MYH6: variants seen among roughly 807,000 people sequenced by gnomAD.
The protein encoded by MYH6 is myosin-6.
Under a neutral mutation model 223.2 loss-of-function variants are expected in MYH6, and 126 were observed. That is an observed-to-expected ratio of 0.56 (90% confidence interval 0.49 to 0.65). The LOEUF (loss-of-function observed/expected upper bound fraction) is 0.65. Among genes scored for constraint, MYH6 ranks in the 30% least tolerant of loss-of-function variants. The probability of loss-of-function intolerance (pLI) is 0.00; values close to 1 mark genes in which losing one functional copy is unlikely to be tolerated. For synonymous variants in MYH6, 978 were observed against 1,010.2 expected, an observed-to-expected ratio of 0.97 and a Z score of 0.61; for missense variants, 2,040 against 2,536.4, an observed-to-expected ratio of 0.80 and a Z score of 4.20.
Position 23,407,818 on chromosome 14 carries a change from G to C in MYH6, c.-46-210C>G, listed in dbSNP as rs567466620. Among the ~76,000 whole-genome samples the C allele has an allele frequency of 3.9e-5, 6 of 152,276 alleles. No individual in the cohort carries two copies. Among genetic ancestry groups the C allele is most frequent in the Admixed American group, 2.0e-4 (3 of 15,298 alleles). ...GAGTCAATATGAGTGCGAGGGACGG[G>C]GTGTGGAAACAGGGTTAGAAGCAGA... is the stretch of plus-strand genomic sequence containing the variant. On this transcript the variant is annotated intron_variant, in intron 1 of 38. Transcript: ENST00000405093. The surrounding 1 kb of genome is among the most constrained non-coding windows in gnomAD (Gnocchi z 5.6).
At position 23,385,028 on chromosome 14, in the gene MYH6, A is replaced by T. The variant is rs1304636038; in HGVS notation, c.5177T>A (p.Ile1726Asn). 10 of 1,614,174 alleles carry T rather than the reference A, an allele frequency of 6.2e-6. No individual in the cohort carries two copies. The South Asian group carries it at 1.1e-4, about 18-fold the overall frequency. ...QLLHSQNTSLINQKKKMESDL... is the reference protein window; with the variant it reads ...QLLHSQNTSLNNQKKKMESDL... ...CGACTCCATCTTCTTCTTCTGGTTGATGAGGCTGGTGTTCTAGACATGGAG... is the reference window on the plus strand; with the variant it reads ...CGACTCCATCTTCTTCTTCTGGTTGTTGAGGCTGGTGTTCTAGACATGGAG... Residue 1726 changes from isoleucine (I) to asparagine (N), a missense_variant, in exon 35 of 39, where the codon ATC becomes AAC. By Grantham distance (149) the Ile-to-Asn change is moderately radical. Transcript: ENST00000405093.
Position 23,392,668 on chromosome 14 carries a change from G to T in MYH6, c.3252-16C>A, listed in dbSNP as rs779250087. ...AAACTCCTTCCTGCAGGAGAAGGGT[G>T]GGGGTGGGGGAGTGACAGGTAGCCT... On this transcript the variant is annotated splice_polypyrimidine_tract_variant and intron_variant, in intron 24 of 38. Transcript: ENST00000405093. The T allele has an allele frequency of 3.1e-6, 4 of 1,302,226 alleles. No individual in the cohort carries two copies. Among genetic ancestry groups the T allele is most frequent in the Non-Finnish European group, 4.5e-6 (4 of 896,596 alleles). The allele number at this position is 1,302,226 out of a possible 1,614,324, so 80.7% of individuals were successfully genotyped here. A position where few individuals can be genotyped will look rare whatever the true frequency, so the allele number is the denominator to read the frequency against.
At chr14:23,403,526 G>C in intron 9 of MYH6, 80 bp from the exon 10 acceptor site, 1 of 1,287,284 alleles carries the variant, frequency 7.8e-7, no homozygotes, top group Non-Finnish European at 1.1e-6. Context: ...GGGGGCAGAG[G>C]GCAGGGGGCA....
chr14:23,382,708 C>A, intron 37 of MYH6, 146 bp from the exon 38 acceptor site: 2 of 1,206,846 alleles, frequency 1.7e-6, no homozygotes, highest in Non-Finnish European at 2.4e-6. Flanking sequence ...GGGTATCCTG[C>A]AACTGCCTTG....
rs771569935 is a variant in MYH6, at chr14:23,396,693, C to T, written c.2292+1G>A. ...ACCACCCAGTGGGGCTCTAGACTCA[C>T]CTTGGTGTGGCCAAACTTGTACTGG... On this transcript the variant is annotated splice_donor_variant, in intron 19 of 38. Coordinates refer to ENST00000405093, the MANE Select transcript of MYH6 (RefSeq NM_002471.4). LOFTEE classifies it high-confidence loss of function. The T allele has an allele frequency of 8.1e-6, 13 of 1,613,922 alleles. No individual in the cohort carries two copies. In the African/African-American group the frequency reaches 1.5e-4, roughly 18 times the overall value.
chr14:23,404,079 C>T (rs1395059937), intron 8 of MYH6, among the ~76,000 whole-genome samples: 1 of 152,218 alleles, frequency 6.6e-6, no homozygotes, highest in Non-Finnish European at 1.5e-5. Context: ...CCCTGTTTCA[C>T]AGGTGAAGGA....
chr14:23,397,964 CTTCT>C (rs1891471655), intron 15 of MYH6, among the ~76,000 whole-genome samples: 1 of 124,636 alleles, frequency 8.0e-6, no homozygotes, highest in Admixed American at 8.5e-5. Context: ...TCTTCTTCTT[CTTCT>C]TCTTCTTCTT....
In MYH6 at chr14:23,407,455, T is replaced by G. The variant is rs536226528; in HGVS notation, c.-14+121A>C. ...GTAAGGGGTTTCCCTGGGGTGGCAT[T>G]GGCTGGAGTATGCTAAGGGTTGGCG... On this transcript the variant is annotated intron_variant, in intron 2 of 38. Coordinates refer to ENST00000405093, the MANE Select transcript of MYH6 (RefSeq NM_002471.4). The surrounding 1 kb of genome is among the most constrained non-coding windows in gnomAD (Gnocchi z 5.6). 33 of 1,202,754 alleles carry G rather than the reference T, an allele frequency of 2.7e-5. No individual in the cohort carries two copies. The South Asian group carries it at 5.2e-4, about 19-fold the overall frequency. 74.5% of individuals were successfully genotyped at this position (1,202,754 alleles called of 1,614,324 possible). A position where few individuals can be genotyped will look rare whatever the true frequency, so the allele number is the denominator to read the frequency against.
In MYH6 at chr14:23,404,804, C is replaced by T. The variant is rs1465887846; in HGVS notation, c.549G>A (p.Gly183=). The T allele has an allele frequency of 1.2e-6, 2 of 1,614,122 alleles. No individual in the cohort carries two copies. The highest frequency in any genetic ancestry group is 1.7e-6 in the Non-Finnish European group (2 of 1,180,006). Residue 183 remains glycine, a synonymous_variant, in exon 7 of 39, where the codon GGG becomes GGA. Coordinates refer to ENST00000405093, the MANE Select transcript of MYH6 (RefSeq NM_002471.4). ...TGACACGCTTGGTGTTCACAGTCTT[C>T]CCCGCCCCGGATTCTCCCCTGGGGG... The part of the protein sequence containing the change: ...SILITGESGA[G]KTVNTKRVIQ...
chr14:23,390,227 C>G lies in MYH6; in HGVS notation c.3562G>C (p.Glu1188Gln), dbSNP rs767223211. The part of the protein sequence containing the change: ...RDLEEATLQH[E>Q]ATAAALRKKH... The stretch of plus-strand genomic sequence containing the variant: ...TTGCGCAGGGCCGCGGCAGTGGCCT[C>G]GTGCTGCAGCGTGGCCTCCTCCAGG... Residue 1188 changes from glutamate to glutamine, a missense_variant, in exon 26 of 39, where the codon GAG becomes CAG. By Grantham distance (29) the Glu-to-Gln change is conservative. Around this residue, in one of 4 missense-constraint regions of MYH6, gnomAD observed 1,203 missense variants for 1,400.2 expected, o/e 0.86. Coordinates refer to ENST00000405093, the MANE Select transcript of MYH6 (RefSeq NM_002471.4). The G allele has an allele frequency of 6.3e-7, 1 of 1,585,194 alleles. No homozygotes were observed. Among genetic ancestry groups the G allele is most frequent in the Non-Finnish European group, 8.6e-7 (1 of 1,162,542 alleles).
Position 23,393,651 on chromosome 14 carries a change from G to A in MYH6, c.2928+15C>T, listed in dbSNP as rs1006447841. On this transcript the variant is annotated intron_variant, in intron 22 of 38. Coordinates refer to ENST00000405093, the MANE Select transcript of MYH6 (RefSeq NM_002471.4). ...TGAGGAGACCTGGGCTGAAGCCAGA[G>A]GGAGCTGCCCTCACCTTGTTCTCTG... 6.2e-7 allele frequency: 1 copy of A among 1,614,180 alleles called. No individual in the cohort carries two copies. The highest frequency in any genetic ancestry group is 8.5e-7 in the Non-Finnish European group (1 of 1,180,040).
intron 29 of MYH6, 83 bp from the exon 30 acceptor site, chr14:23,388,421 C>T (rs1407838754): frequency 3.2e-6 from 5 of 1,575,570 alleles, no homozygotes; most frequent in African/African-American, 2.7e-5. Flanking sequence ...CCACCCCCTC[C>T]CTATATCTCC....
chr14:23,388,740 C>A (rs1321866360), intron 29 of MYH6, 119 bp downstream of exon 29: 1 of 1,434,230 alleles, frequency 7.0e-7, no homozygotes. Flanking sequence ...CTTCTGTTGC[C>A]CTCCGAGTTC....
chr14:23,402,295 G>A (rs912257358), intron 12 of MYH6, among the ~76,000 whole-genome samples, 169 bp downstream of exon 12: 4 of 152,020 alleles, frequency 2.6e-5, no homozygotes, highest in Admixed American at 2.6e-4. Flanking sequence ...TGAGGAGTTG[G>A]GATTGTGGTG....
At chr14:23,385,158 C>CT in intron 34 of MYH6, 117 bp from the exon 35 acceptor site, 1 of 1,272,706 alleles carries the variant, frequency 7.9e-7, no homozygotes, top group Non-Finnish European at 1.1e-6. Context: ...AACAAGCCCA[C>CT]TTTTAGACTA....
chr14:23,393,952 A>C, intron 21 of MYH6, 44 bp from the exon 22 acceptor site: 2 of 1,614,032 alleles, frequency 1.2e-6, no homozygotes, highest in Non-Finnish European at 8.5e-7. Context: ...TAAAGAGAGG[A>C]GACCTAGGGT....
In MYH6 at chr14:23,388,906, C is replaced by T. The variant is rs755359308; in HGVS notation, c.4128G>A (p.Lys1376=). 1.3e-5 allele frequency: 21 copies of T among 1,613,710 alleles called. No individual in the cohort carries two copies. Among genetic ancestry groups the T allele is most frequent in the Admixed American group, 1.2e-4 (7 of 60,012 alleles). Residue 1376 remains lysine, a synonymous_variant, in exon 29 of 39, where the codon AAG becomes AAA. Coordinates refer to ENST00000405093, the MANE Select transcript of MYH6 (RefSeq NM_002471.4). ...ANSEVAQWRT[K]YETDAIQRTE... is the part of the protein sequence containing the mutation. ...TCCGCTGAATGGCGTCCGTCTCATA[C>T]TTGGTCCTCCACTGGGCCACCTCCG...
At chr14:23,401,629 G>A (rs1891605165) in intron 12 of MYH6, among the ~76,000 whole-genome samples, 1 of 152,242 alleles carries the variant, frequency 6.6e-6, no homozygotes, top group South Asian at 2.1e-4. Context: ...GGGCAAGGGT[G>A]TGGCTGAGGG....
chr14:23,399,109 G>T, intron 14 of MYH6, 72 bp from the exon 15 acceptor site: 1 of 1,574,330 alleles, frequency 6.4e-7, no homozygotes, highest in South Asian at 1.1e-5. Flanking sequence ...CCCATACCCT[G>T]ACAGGAAAAG....
Sources: gnomAD v4.1 joint callset for allele counts (sites outside exome capture counted in the v4.1 genomes callset) on GRCh38, gnomAD v4.1.1 for gene constraint, gnomAD v4.1.1 regional missense constraint, Gnocchi (gnomAD v3.1) non-coding constraint, MANE v1.5 for transcripts, NCBI Gene and HGNC (gene_info 2026-07-23, HGNC 2026-07-21) for gene names.